The following GNAS variants were observed in gnomAD, a reference collection of about 807,000 sequenced individuals.
The protein encoded by GNAS is GNAS complex locus.
GNAS carries 8 observed loss-of-function variants against 54.5 expected under a neutral mutation model. That is an observed-to-expected ratio of 0.15 (90% CI 0.09 to 0.26). The LOEUF (loss-of-function observed/expected upper bound fraction) is 0.26. Ranked by LOEUF, GNAS falls within the 10% of genes least tolerant of loss-of-function variation. The probability of loss-of-function intolerance (pLI) is 1.00; values close to 1 mark genes in which losing one functional copy is unlikely to be tolerated. For synonymous variants in GNAS, 204 were observed against 191.4 expected (o/e 1.07, Z -0.54); for missense variants, 170 against 529.8 (o/e 0.32, Z 6.67).
upstream of GNAS, chr20:58,889,464 C>T: frequency 5.7e-6 from 3 of 529,142 alleles, no homozygotes; most frequent in Non-Finnish European, 7.3e-6. Flanking sequence ...TGCCTTGCCC[C>T]GGGGCGCCTC....
intron 1 of GNAS, among the ~76,000 whole-genome samples, chr20:58,866,584 G>T (rs2087080404): frequency 1.3e-5 from 2 of 152,134 alleles, no homozygotes; most frequent in African/African-American, 4.8e-5. Flanking sequence ...CATTATGGAA[G>T]GGGACTTTAT....
In GNAS at chr20:58,891,604, G is replaced by T; in HGVS notation, c.-123G>T. On this transcript the variant is annotated 5_prime_UTR_variant, in exon 1 of 13. Transcript: ENST00000371085. ...CAGTCCGCCCCGCGCGCTCCTTGCC[G>T]AGGAGCCGAGCCCGCGCCCGGCCCG... The T allele has an allele frequency of 1.0e-6, 1 of 968,436 alleles. No individual in the cohort carries two copies. Among genetic ancestry groups the T allele is most frequent in the South Asian group, 4.7e-5 (1 of 21,230 alleles). The allele number at this position is 968,436 out of a possible 1,614,324, so 60.0% of individuals were successfully genotyped here.
In GNAS at chr20:58,854,013, G is replaced by C. The variant is rs577687095; in HGVS notation, c.43+13127G>C. 6.2e-6 allele frequency: 10 copies of C among 1,611,590 alleles called. No individual in the cohort carries two copies. In the South Asian group the frequency reaches 8.8e-5, roughly 14 times the overall value. ...GCTTTCCCGAGTTATCGCACAAGTCGACGGCAGCAGCCAGTTCGCGGCAGT... is the reference window on the plus strand; with the variant it reads ...GCTTTCCCGAGTTATCGCACAAGTCCACGGCAGCAGCCAGTTCGCGGCAGT... On this transcript the variant is annotated intron_variant, in intron 1 of 12. Transcript: ENST00000306090.
intron 1 of GNAS, among the ~76,000 whole-genome samples, chr20:58,845,728 G>A (rs2085918758): frequency 6.6e-6 from 1 of 152,126 alleles, no homozygotes; most frequent in Admixed American, 6.5e-5. Flanking sequence ...AGCTATGCTG[G>A]TCCAAGCACT....
chr20:58,874,799 G>A (rs1234847299), intron 1 of GNAS, among the ~76,000 whole-genome samples: 1 of 152,096 alleles, frequency 6.6e-6, no homozygotes, highest in Non-Finnish European at 1.5e-5. Flanking sequence ...CCTGAGCTTT[G>A]GGTCTCTTTT....
At position 58,841,429 on chromosome 20, in the gene GNAS, G is replaced by A. The variant is rs2085722759; in HGVS notation, c.43+543G>A. 4.0e-6 allele frequency: 4 copies of A among 992,012 alleles called. No homozygotes were observed. In the South Asian group the frequency reaches 1.4e-4, roughly 34 times the overall value. The allele number at this position is 992,012 out of a possible 1,614,324, so 61.5% of individuals were successfully genotyped here. ...AGAACTCTAGAGACTGACCACCCGG[G>A]AGGGAAGTCACGCGCGCGCGGCGCC... On this transcript the variant is annotated intron_variant, in intron 1 of 12. Transcript: ENST00000306090. This position sits in a 1 kb window ranked among gnomAD's most constrained non-coding sequence, Gnocchi z 5.0.
At chr20:58,887,057 C>T (rs2088638868), upstream of GNAS, among the ~76,000 whole-genome samples, 2 of 152,198 alleles carry the variant, frequency 1.3e-5, no homozygotes, top group African/African-American at 4.8e-5. Context: ...TGACATGGGG[C>T]AGTTTCACTC....
In GNAS at chr20:58,910,477, A is replaced by G. The variant is rs1601170526; in HGVS notation, c.1038+76A>G. 3 of 1,279,924 alleles carry G rather than the reference A, an allele frequency of 2.3e-6. No individual in the cohort carries two copies. The highest frequency in any genetic ancestry group is 4.6e-5 in the East Asian group (2 of 43,214). 79.3% of individuals were successfully genotyped at this position (1,279,924 alleles called of 1,614,324 possible). On this transcript the variant is annotated intron_variant, in intron 12 of 12. Transcript: ENST00000371085. This position sits in a 1 kb window ranked among gnomAD's most constrained non-coding sequence, Gnocchi z 5.8. ...ATGGATGTAAATTTACTTAATTCCA[A>G]ATTCAGGGGTTCAGCTACCCAGTTC...
chr20:58,895,109 C>T, intron 1 of GNAS: 1 of 204,286 alleles, frequency 4.9e-6, no homozygotes, highest in African/African-American at 2.4e-5. Flanking sequence ...GAAAGTGCTG[C>T]ATCGCTACGT....
At chr20:58,907,617 A>C (rs1322472084) in intron 6 of GNAS, among the ~76,000 whole-genome samples, 2 of 152,174 alleles carry the variant, frequency 1.3e-5, no homozygotes, top group Admixed American at 6.5e-5. Flanking sequence ...TTCTCTCTCA[A>C]ATCATTTAGA....
At chr20:58,858,329 C>T (rs372122613) in intron 1 of GNAS, among the ~76,000 whole-genome samples, 8 of 151,632 alleles carry the variant, frequency 5.3e-5, no homozygotes, top group East Asian at 3.9e-4. Flanking sequence ...TTTTTATTGC[C>T]GGGACAATTT....
upstream of GNAS, chr20:58,889,249 C>T: frequency 8.9e-7 from 1 of 1,118,642 alleles, no homozygotes; most frequent in Non-Finnish European, 1.1e-6. Flanking sequence ...TGCTCTCTGG[C>T]TCCGGGCTGC....
At chr20:58,876,764 G>A (rs548344711) in intron 1 of GNAS, 12 of 152,292 alleles carry the variant, frequency 7.9e-5, no homozygotes, top group African/African-American at 2.9e-4. Context: ...TAAGTCAACG[G>A]GGAAAATCAG....
chr20:58,875,562 CT>C (rs1211626633), intron 1 of GNAS, among the ~76,000 whole-genome samples: 1 of 152,218 alleles, frequency 6.6e-6, no homozygotes, highest in African/African-American at 2.4e-5. Context: ...CTATGGCTGC[CT>C]AGCAGCCCTC....
chr20:58,846,639 A>G (rs2085949680), intron 1 of GNAS, among the ~76,000 whole-genome samples: 1 of 152,248 alleles, frequency 6.6e-6, no homozygotes, highest in African/African-American at 2.4e-5. Flanking sequence ...CAAGGGGCAC[A>G]GGCCAAAGAC....
intron 1 of GNAS, chr20:58,855,666 A>AGGGGCCCCGC (rs2086457238): frequency 1.8e-6 from 1 of 552,948 alleles, no homozygotes; most frequent in Non-Finnish European, 3.5e-6. Context: ...ACTGCCGGGG[A>AGGGGCCCCGC]GGGGCCCCGG....
At position 58,853,086 on chromosome 20, in the gene GNAS, T is replaced by A; in HGVS notation, c.43+12200T>A. 1 of 1,413,002 alleles carries A rather than the reference T, an allele frequency of 7.1e-7. No homozygotes were observed. The highest frequency in any genetic ancestry group is 9.2e-7 in the Non-Finnish European group (1 of 1,089,548). 87.5% of individuals were successfully genotyped at this position (1,413,002 alleles called of 1,614,324 possible). A position where few individuals can be genotyped will look rare whatever the true frequency, so the allele number is the denominator to read the frequency against. The stretch of plus-strand genomic sequence containing the variant: ...AACAATTGAGTTGCTTCAGCCTCAG[T>A]CTAGGGTTCCTTCCAGGCCTTGAAC... On this transcript the variant is annotated intron_variant, in intron 1 of 12. Transcript: ENST00000306090. The surrounding 1 kb of genome is among the most constrained non-coding windows in gnomAD (Gnocchi z 4.4).
chr20:58,892,516 G>A (rs985104289), intron 1 of GNAS: 17 of 141,126 alleles, frequency 1.2e-4, no homozygotes, highest in Admixed American at 1.2e-3. Flanking sequence ...GGTAAAGGTG[G>A]TGCAGTGGGG....
At chr20:58,903,259 A>G (rs1163269087) in intron 3 of GNAS, 2 of 554,844 alleles carry the variant, frequency 3.6e-6, no homozygotes, top group Admixed American at 2.8e-5. Context: ...CCCATGAAAG[A>G]TTAAATGAGC....
Sources: allele counts gnomAD v4.1 joint callset (sites outside exome capture counted in the v4.1 genomes callset), GRCh38; gene constraint gnomAD v4.1.1; non-coding constraint Gnocchi (gnomAD v3.1); transcripts MANE v1.5; gene names NCBI Gene and HGNC (gene_info 2026-07-23, HGNC 2026-07-21).